Variants in THSD4 observed in about 807,000 individuals in gnomAD.
THSD4 encodes thrombospondin type 1 domain containing 4, also known as thrombospondin type-1 domain-containing protein 4.
A neutral mutation model predicts 119.0 loss-of-function variants in THSD4; 69 were observed. The ratio of observed to expected loss-of-function variants is 0.58; its 90% confidence interval spans 0.48 to 0.71. The LOEUF (loss-of-function observed/expected upper bound fraction) is 0.71, where lower values mean the gene tolerates loss of function less well. Ranked by LOEUF, THSD4 falls within the 30% of genes least tolerant of loss-of-function variation. The pLI is 0.00. For missense variants in THSD4, 1,393 were observed against 1,391.1 expected (o/e 1.00, Z -0.02); for synonymous variants, 524 against 540.4 (o/e 0.97, Z 0.42).
intron 6 of THSD4, among the ~76,000 whole-genome samples, chr15:71,317,476 T>C (rs1425088051): frequency 6.6e-6 from 1 of 152,138 alleles, no homozygotes; most frequent in African/African-American, 2.4e-5. Flanking sequence ...AACTCCCCTT[T>C]TATAAAACCA....
intron 3 of THSD4, among the ~76,000 whole-genome samples, chr15:71,209,134 G>T (rs971816065): frequency 3.3e-5 from 5 of 152,154 alleles, no homozygotes; most frequent in Non-Finnish European, 7.4e-5. Context: ...TGATTCTTGG[G>T]TTGGACCTGT....
intron 6 of THSD4, among the ~76,000 whole-genome samples, chr15:71,336,253 G>C (rs1233289005): frequency 1.3e-5 from 2 of 152,180 alleles, no homozygotes; most frequent in Non-Finnish European, 2.9e-5. Context: ...TGAGTGGTGA[G>C]GGCCCAAAGA....
At chr15:71,517,613 G>A (rs1407785287) in intron 7 of THSD4, among the ~76,000 whole-genome samples, 1 of 152,198 alleles carries the variant, frequency 6.6e-6, no homozygotes, top group Non-Finnish European at 1.5e-5. Context: ...GATGTGATAA[G>A]TCTCACTGGC....
intron 6 of THSD4, among the ~76,000 whole-genome samples, chr15:71,303,530 T>G (rs1002021068): frequency 2.6e-5 from 4 of 152,182 alleles, no homozygotes; most frequent in Non-Finnish European, 5.9e-5. Context: ...TTCTTTTTGT[T>G]TTTGGAGGAA....
intron 8 of THSD4, among the ~76,000 whole-genome samples, chr15:71,694,014 C>CA (rs35248148): frequency 0.19 from 27,418 of 141,432 alleles, 3,172 homozygotes; most frequent in Non-Finnish European, 0.27. Flanking sequence ...GACCCTGTCT[C>CA]AAAAAAAAAA....
At chr15:71,666,089 T>C (rs2051412162) in intron 8 of THSD4, among the ~76,000 whole-genome samples, 1 of 152,226 alleles carries the variant, frequency 6.6e-6, no homozygotes, top group Middle Eastern at 3.2e-3. Context: ...TAAATTGCTT[T>C]GGGCAGTATA....
intron 6 of THSD4, among the ~76,000 whole-genome samples, chr15:71,282,055 T>C (rs767073606): frequency 6.6e-6 from 1 of 152,238 alleles, no homozygotes; most frequent in Non-Finnish European, 1.5e-5. Flanking sequence ...AAATAGTTCC[T>C]ACACCTGACA....
intron 4 of THSD4, among the ~76,000 whole-genome samples, chr15:71,226,095 A>G (rs2044016309): frequency 6.6e-6 from 1 of 152,094 alleles, no homozygotes; most frequent in African/African-American, 2.4e-5. Flanking sequence ...TCTCAGCTCC[A>G]TCATCTGCTA....
At chr15:71,637,246 T>C (rs933004161) in intron 7 of THSD4, among the ~76,000 whole-genome samples, 11 of 152,224 alleles carry the variant, frequency 7.2e-5, no homozygotes, top group African/African-American at 2.4e-4. Context: ...TCATTTGCTT[T>C]CAAAGCACCT....
chr15:71,110,615 G>T (rs1371173465), upstream of THSD4: 1 of 155,208 alleles, frequency 6.4e-6, no homozygotes, highest in Non-Finnish European at 1.4e-5. Flanking sequence ...CCTCCCCAAG[G>T]CCTCCAGGAC....
intron 7 of THSD4, among the ~76,000 whole-genome samples, chr15:71,497,310 C>T (rs2048034508): frequency 2.6e-5 from 4 of 152,040 alleles, no homozygotes. Flanking sequence ...GTCAGGAGTT[C>T]GAGACCAGCC....
intron 3 of THSD4, among the ~76,000 whole-genome samples, chr15:71,183,400 A>AGATTGCCT (rs1465883826): frequency 1.3e-5 from 2 of 151,752 alleles, no homozygotes; most frequent in East Asian, 3.8e-4. Context: ...CTCTGAAGCC[A>AGATTGCCT]GATTGCCTGG....
chr15:71,575,880 G>T (rs1264161645), intron 7 of THSD4, among the ~76,000 whole-genome samples: 4 of 152,214 alleles, frequency 2.6e-5, no homozygotes, highest in Admixed American at 1.3e-4. Flanking sequence ...CTGCCTGCAA[G>T]ATACTTACAA....
intron 7 of THSD4, among the ~76,000 whole-genome samples, chr15:71,526,842 G>A (rs2048528116): frequency 6.6e-6 from 1 of 152,178 alleles, no homozygotes; most frequent in Admixed American, 6.5e-5. Flanking sequence ...CTGTTGGACA[G>A]TATGCTGAAC....
intron 7 of THSD4, among the ~76,000 whole-genome samples, chr15:71,505,543 G>A (rs983160979): frequency 6.6e-6 from 1 of 152,150 alleles, no homozygotes; most frequent in East Asian, 1.9e-4. Context: ...GATTAAAATA[G>A]CAAATGTAAA....
At chr15:71,497,049 T>C (rs1456275414) in intron 7 of THSD4, among the ~76,000 whole-genome samples, 1 of 152,192 alleles carries the variant, frequency 6.6e-6, no homozygotes, top group African/African-American at 2.4e-5. Context: ...AGCACTGCCA[T>C]TGCATTCCAA....
At chr15:71,358,179 A>G (rs1216521330) in intron 6 of THSD4, among the ~76,000 whole-genome samples, 3 of 152,182 alleles carry the variant, frequency 2.0e-5, no homozygotes, top group African/African-American at 4.8e-5. Context: ...GGAGAGCCTC[A>G]AAGGTGTCTC....
At chr15:71,478,683 C>T (rs1427526367) in intron 7 of THSD4, among the ~76,000 whole-genome samples, 2 of 152,142 alleles carry the variant, frequency 1.3e-5, no homozygotes, top group African/African-American at 4.8e-5. Flanking sequence ...GCCTAAAACA[C>T]AGTTATGCCA....
chr15:71,526,732 A>G (rs2048525887), intron 7 of THSD4, among the ~76,000 whole-genome samples: 1 of 152,202 alleles, frequency 6.6e-6, no homozygotes, highest in African/African-American at 2.4e-5. Context: ...CTAGTGTGGT[A>G]GCTTATTGTG....
Sources: gnomAD v4.1 joint callset for allele counts (sites outside exome capture counted in the v4.1 genomes callset) on GRCh38, gnomAD v4.1.1 for gene constraint, MANE v1.5 for transcripts, NCBI Gene and HGNC (gene_info 2026-07-23, HGNC 2026-07-21) for gene names.